Variants in MYCBP2 observed in about 807,000 individuals in gnomAD.
MYCBP2 encodes the protein E3 ubiquitin-protein ligase MYCBP2.
In MYCBP2, 120 loss-of-function variants were observed where a neutral mutation model predicts 525.3. The ratio of observed to expected loss-of-function variants is 0.23; its 90% CI spans 0.20 to 0.27. MYCBP2 has a LOEUF of 0.27. Among genes scored for constraint, MYCBP2 ranks in the 10% least tolerant of loss-of-function variants. MYCBP2 has a pLI of 1.00. For missense variants in MYCBP2, 4,149 were observed against 5,657.1 expected, an observed-to-expected ratio of 0.73 and a Z score of 8.55; for synonymous variants, 1,894 against 1,955.8, an observed-to-expected ratio of 0.97 and a Z score of 0.83.
chr13:77,180,325 T>C lies in MYCBP2; in HGVS notation c.4942-7A>G, dbSNP rs1177311092. 3 of 1,613,010 alleles carry C rather than the reference T, an allele frequency of 1.9e-6. No homozygotes were observed. Among genetic ancestry groups the C allele is most frequent in the South Asian group, 2.2e-5 (2 of 90,914 alleles). ...CTGAGATATTCTCTTCACTCTGCGA[T>C]ACATAAGAAAAAGTTCTAAGGTATT... On this transcript the variant is annotated splice_region_variant and splice_polypyrimidine_tract_variant and intron_variant, in intron 33 of 82. Transcript: ENST00000544440.
Position 77,045,284 on chromosome 13 carries a change from T to C in MYCBP2, c.*94A>G. 1 of 743,158 alleles carries C rather than the reference T, an allele frequency of 1.3e-6. No individual in the cohort carries two copies. The highest frequency in any genetic ancestry group is 2.6e-5 in the East Asian group (1 of 39,046). 46.0% of individuals were successfully genotyped at this position (743,158 alleles called of 1,614,324 possible). On this transcript the variant is annotated 3_prime_UTR_variant, in exon 83 of 83. Transcript: ENST00000544440. ...TTCATTTTCATGGATGTAAAAATGG[T>C]CCCGTCCTTATCCTGAGCAGAGTTT...
At chr13:77,105,855 T>C (rs991334021) in intron 55 of MYCBP2, among the ~76,000 whole-genome samples, 1 of 152,172 alleles carries the variant, frequency 6.6e-6, no homozygotes, top group Middle Eastern at 3.2e-3. Flanking sequence ...TTTGCCCTCA[T>C]AAACAACATG....
chr13:77,218,735 C>T (rs1330018475), intron 20 of MYCBP2, among the ~76,000 whole-genome samples: 8 of 152,176 alleles, frequency 5.3e-5, no homozygotes, highest in Non-Finnish European at 7.4e-5. Flanking sequence ...TAAATGACAT[C>T]CTAGTATCCT....
intron 29 of MYCBP2, among the ~76,000 whole-genome samples, chr13:77,189,490 C>G (rs1430442416): frequency 6.6e-6 from 1 of 151,946 alleles, no homozygotes; most frequent in Non-Finnish European, 1.5e-5. Context: ...ACGAAAAAAC[C>G]TTTTGGGGAA....
intron 26 of MYCBP2, among the ~76,000 whole-genome samples, chr13:77,196,485 T>C (rs184442684): frequency 1.3e-4 from 20 of 152,280 alleles, no homozygotes; most frequent in Admixed American, 1.0e-3. Flanking sequence ...ATAATACAAA[T>C]GAGAATGGCT....
intron 34 of MYCBP2, among the ~76,000 whole-genome samples, chr13:77,179,364 T>G (rs1002543983): frequency 1.3e-5 from 2 of 152,218 alleles, no homozygotes; most frequent in Non-Finnish European, 2.9e-5. Flanking sequence ...ACCAATCTAC[T>G]GTCTGTTTTT....
intron 71 of MYCBP2, among the ~76,000 whole-genome samples, chr13:77,066,679 A>C (rs183771372): frequency 2.3e-4 from 35 of 152,342 alleles, no homozygotes; most frequent in African/African-American, 8.2e-4. Flanking sequence ...AAATATAGTT[A>C]GATATTATAA....
In MYCBP2 at chr13:77,186,022, C is replaced by T; in HGVS notation, c.4293G>A (p.Trp1431Ter). The T allele has an allele frequency of 6.2e-7, 1 of 1,609,590 alleles. No individual in the cohort carries two copies. The highest frequency in any genetic ancestry group is 8.5e-7 in the Non-Finnish European group (1 of 1,178,636). The change falls in exon 31 of 83, where the codon TGG becomes TGA. Residue 1431 changes from tryptophan (W) to a stop codon, truncating the protein, a stop_gained. Coordinates refer to ENST00000544440, the MANE Select transcript of MYCBP2 (RefSeq NM_015057.5). LOFTEE classifies it high-confidence loss of function. Reference sequence around the variant, plus strand: ...CTTCAACTCCTAAGACTAAGGTGGTCCAGCTCCAGTGAAGAATACTCAACA... The same window carrying T: ...CTTCAACTCCTAAGACTAAGGTGGTTCAGCTCCAGTGAAGAATACTCAACA... ...ESLLSILHWS[W>*]TTLVLGVEEL...
chr13:77,070,142 C>T (rs1361445824), intron 69 of MYCBP2, among the ~76,000 whole-genome samples: 1 of 152,094 alleles, frequency 6.6e-6, no homozygotes, highest in Non-Finnish European at 1.5e-5. Flanking sequence ...CTACCCATAA[C>T]AAATAGCAGC....
chr13:77,135,580 G>C (rs1181097377), intron 52 of MYCBP2, among the ~76,000 whole-genome samples: 1 of 152,188 alleles, frequency 6.6e-6, no homozygotes, highest in Non-Finnish European at 1.5e-5. Flanking sequence ...TGAGTCCTCA[G>C]TTAATACCTG....
intron 68 of MYCBP2, among the ~76,000 whole-genome samples, chr13:77,072,361 G>C (rs931787186): frequency 4.0e-5 from 6 of 149,924 alleles, no homozygotes; most frequent in African/African-American, 1.5e-4. Flanking sequence ...ATTGTGAATT[G>C]AATGAAAATA....
chr13:77,138,991 GTGA>G (rs1263503499), intron 52 of MYCBP2, among the ~76,000 whole-genome samples: 1 of 152,094 alleles, frequency 6.6e-6, no homozygotes, highest in African/African-American at 2.4e-5. Context: ...CTGCCTATCT[GTGA>G]TGGATCATAA....
At chr13:77,162,766 C>T (rs1009624068) in intron 43 of MYCBP2, among the ~76,000 whole-genome samples, 16 of 152,104 alleles carry the variant, frequency 1.1e-4, no homozygotes, top group African/African-American at 3.6e-4. Flanking sequence ...AAGTGATTCT[C>T]CTGCCCCAGC....
At position 77,081,655 on chromosome 13, in the gene MYCBP2, T is replaced by A; in HGVS notation, c.11194-4A>T. ...AGCACATTACTATGCATAATTCCTATCAGAAACAAATATAAGTACTTATGA... is the reference window on the plus strand; with the variant it reads ...AGCACATTACTATGCATAATTCCTAACAGAAACAAATATAAGTACTTATGA... On this transcript the variant is annotated splice_polypyrimidine_tract_variant and splice_region_variant and intron_variant, in intron 64 of 82. Transcript: ENST00000544440. This position sits in a 1 kb window ranked among gnomAD's most constrained non-coding sequence, Gnocchi z 4.6. 1 of 1,595,692 alleles carries A rather than the reference T, an allele frequency of 6.3e-7. No homozygotes were observed. The highest frequency in any genetic ancestry group is 8.5e-7 in the Non-Finnish European group (1 of 1,171,278).
chr13:77,300,843 G>T (rs1219210326), intron 1 of MYCBP2, among the ~76,000 whole-genome samples: 2 of 152,156 alleles, frequency 1.3e-5, no homozygotes, highest in African/African-American at 4.8e-5. Flanking sequence ...AGGACTAAAA[G>T]AACAAAAAAT....
chr13:77,130,106 T>C (rs776799420), intron 52 of MYCBP2, among the ~76,000 whole-genome samples: 3 of 151,784 alleles, frequency 2.0e-5, no homozygotes, highest in Non-Finnish European at 4.4e-5. Flanking sequence ...AATCTATATT[T>C]ATCTGATTTG....
chr13:77,078,763 G>C (rs2042783412), intron 66 of MYCBP2, 61 bp downstream of exon 66: 1 of 1,349,588 alleles, frequency 7.4e-7, no homozygotes, highest in Non-Finnish European at 1.1e-6. Context: ...CAATAGTGAA[G>C]GCTGAGAAGA....
At chr13:77,048,971 T>G (rs1264880278) in intron 82 of MYCBP2, among the ~76,000 whole-genome samples, 2 of 152,248 alleles carry the variant, frequency 1.3e-5, no homozygotes, top group African/African-American at 2.4e-5. Context: ...CTGCTTGCCT[T>G]AAATCTTTCT....
At chr13:77,256,252 T>C (rs116184451) in intron 14 of MYCBP2, among the ~76,000 whole-genome samples, 16 of 152,134 alleles carry the variant, frequency 1.1e-4, no homozygotes, top group South Asian at 4.1e-4. Context: ...GCCAGAAAGA[T>C]TGCTGCCAAA....
Sources: gnomAD v4.1 joint callset for allele counts (sites outside exome capture counted in the v4.1 genomes callset) on GRCh38, gnomAD v4.1.1 for gene constraint, Gnocchi (gnomAD v3.1) non-coding constraint, MANE v1.5 for transcripts, NCBI Gene and HGNC (gene_info 2026-07-23, HGNC 2026-07-21) for gene names.